The following PDE10A variants were observed in gnomAD, a reference collection of about 807,000 sequenced individuals.
PDE10A encodes the protein phosphodiesterase 10A.
Under a neutral mutation model 97.7 loss-of-function variants are expected in PDE10A, and 39 were observed. The ratio of observed to expected loss-of-function variants is 0.40; its 90% CI spans 0.31 to 0.52. The LOEUF (loss-of-function observed/expected upper bound fraction) is 0.52. Ranked by LOEUF, PDE10A falls within the 20% of genes least tolerant of loss-of-function variation. PDE10A has a pLI of 0.56. For missense variants in PDE10A, 731 were observed against 1,047.8 expected (o/e 0.70, Z 4.17); for synonymous variants, 371 against 376.8 (o/e 0.98, Z 0.18).
intron 1 of PDE10A, among the ~76,000 whole-genome samples, chr6:165,956,834 G>T (rs1784147871): frequency 6.6e-6 from 1 of 152,186 alleles, no homozygotes; most frequent in African/African-American, 2.4e-5. Context: ...TTAAGACCTG[G>T]CCATAGGCAA....
chr6:165,472,354 T>C (rs1161818876), intron 3 of PDE10A, among the ~76,000 whole-genome samples: 1 of 152,116 alleles, frequency 6.6e-6, no homozygotes, highest in Non-Finnish European at 1.5e-5. Flanking sequence ...CTAATGCCTA[T>C]ATTTTCTTTT....
At chr6:165,875,860 A>T (rs1781332340) in intron 1 of PDE10A, among the ~76,000 whole-genome samples, 1 of 151,024 alleles carries the variant, frequency 6.6e-6, no homozygotes, top group South Asian at 2.1e-4. Flanking sequence ...TTGACTTTGG[A>T]GAAATTAATT....
At chr6:165,680,394 A>T (rs1790942656) in intron 1 of PDE10A, among the ~76,000 whole-genome samples, 1 of 152,244 alleles carries the variant, frequency 6.6e-6, no homozygotes. Context: ...CCATTCTGCC[A>T]GAAGGCAAAC....
At position 165,830,835 on chromosome 6, in the gene PDE10A, G is replaced by A. The variant is rs1779890044; in HGVS notation, c.-615+156694C>T. Reference sequence around the variant, plus strand: ...CTTTCAGAGTCAAACTGATGTGAATGGATAATTCCAACGAAATCCAAAAGC... The same window carrying A: ...CTTTCAGAGTCAAACTGATGTGAATAGATAATTCCAACGAAATCCAAAAGC... On this transcript the variant is annotated intron_variant, in intron 1 of 19. Coordinates refer to the PDE10A transcript ENST00000366882. Among the ~76,000 whole-genome samples, 5 of 152,238 alleles carry A rather than the reference G, an allele frequency of 3.3e-5. No individual in the cohort carries two copies. In the South Asian group the frequency reaches 1.0e-3, roughly 32 times the overall value.
intron 1 of PDE10A, among the ~76,000 whole-genome samples, chr6:165,886,046 T>C (rs993567131): frequency 2.6e-5 from 4 of 152,224 alleles, no homozygotes; most frequent in Admixed American, 2.0e-4. Flanking sequence ...ACTGTAAACA[T>C]ACATAAAATT....
intron 1 of PDE10A, among the ~76,000 whole-genome samples, chr6:165,935,327 TAATC>T (rs1178087737): frequency 6.6e-6 from 1 of 152,180 alleles, no homozygotes; most frequent in Admixed American, 6.5e-5. Context: ...GGCACAGAGA[TAATC>T]AAAGAACTGG....
intron 1 of PDE10A, among the ~76,000 whole-genome samples, chr6:165,601,418 T>A (rs1035381115): frequency 6.6e-6 from 1 of 152,224 alleles, no homozygotes; most frequent in Non-Finnish European, 1.5e-5. Flanking sequence ...TTGCTAACAT[T>A]TATTCAGTGC....
At chr6:165,612,117 A>G (rs1460092665) in intron 1 of PDE10A, among the ~76,000 whole-genome samples, 1 of 152,244 alleles carries the variant, frequency 6.6e-6, no homozygotes, top group African/African-American at 2.4e-5. Context: ...CATCCATGCT[A>G]AATTGACTTT....
At chr6:165,952,858 G>A (rs1342154710) in intron 1 of PDE10A, among the ~76,000 whole-genome samples, 10 of 148,652 alleles carry the variant, frequency 6.7e-5, no homozygotes, top group Non-Finnish European at 6.0e-5. Flanking sequence ...TTTTATAAGA[G>A]AAAAAAAAAA....
chr6:165,383,090 GTT>G (rs1785038098), intron 17 of PDE10A, among the ~76,000 whole-genome samples: 1 of 152,130 alleles, frequency 6.6e-6, no homozygotes. Context: ...ATCCCAAAAT[GTT>G]GGTATAAATA....
intron 1 of PDE10A, among the ~76,000 whole-genome samples, chr6:165,758,539 GGAAGAGGAAGAA>G (rs1336997906): frequency 1.8e-4 from 26 of 142,582 alleles, no homozygotes; most frequent in African/African-American, 5.5e-4. Flanking sequence ...AAGAGGAAGA[GGAAGAGGAAGAA>G]GAAGAGGAAG....
intron 1 of PDE10A, among the ~76,000 whole-genome samples, chr6:165,879,016 G>A (rs1262127027): frequency 3.3e-5 from 5 of 152,202 alleles, no homozygotes; most frequent in Non-Finnish European, 5.9e-5. Flanking sequence ...ACTGTTTGAA[G>A]TGACTAAGTT....
At chr6:165,726,373 A>G (rs1007424023) in intron 1 of PDE10A, among the ~76,000 whole-genome samples, 1 of 152,248 alleles carries the variant, frequency 6.6e-6, no homozygotes, top group Non-Finnish European at 1.5e-5. Context: ...TTCCTGAGGA[A>G]AAGAATTATC....
chr6:165,826,135 G>A (rs560623182), intron 1 of PDE10A, among the ~76,000 whole-genome samples: 2 of 152,256 alleles, frequency 1.3e-5, no homozygotes, highest in South Asian at 4.1e-4. Flanking sequence ...CCTTGTCTGT[G>A]GGATTGTATT....
chr6:165,760,437 T>C (rs947762115), intron 1 of PDE10A, among the ~76,000 whole-genome samples: 2 of 152,202 alleles, frequency 1.3e-5, no homozygotes, highest in African/African-American at 2.4e-5. Context: ...AAAATCAAGG[T>C]CTGACCAAGC....
chr6:165,482,437 G>T (rs1048118948), intron 2 of PDE10A, 94 bp from the exon 3 acceptor site: 1 of 966,350 alleles, frequency 1.0e-6, no homozygotes, highest in Non-Finnish European at 1.7e-6. Context: ...AAACTTGAAG[G>T]GTTTTTTTGC....
chr6:165,400,677 TC>T (rs1257267643), intron 13 of PDE10A, among the ~76,000 whole-genome samples: 1 of 152,082 alleles, frequency 6.6e-6, no homozygotes, highest in Non-Finnish European at 1.5e-5. Context: ...TACAGACCCC[TC>T]CCATGTTACC....
At chr6:165,612,463 G>A (rs1259557422) in intron 1 of PDE10A, among the ~76,000 whole-genome samples, 6 of 151,870 alleles carry the variant, frequency 4.0e-5, no homozygotes, top group Non-Finnish European at 7.4e-5. Context: ...CACAACCTCA[G>A]GTTCAAGCGA....
At chr6:165,566,906 G>A (rs377404674) in intron 1 of PDE10A, among the ~76,000 whole-genome samples, 7 of 152,226 alleles carry the variant, frequency 4.6e-5, no homozygotes, top group East Asian at 3.9e-4. Context: ...GGAATCTACC[G>A]AAAAATCTGA....
Sources: gnomAD v4.1 joint callset for allele counts (sites outside exome capture counted in the v4.1 genomes callset) on GRCh38, gnomAD v4.1.1 for gene constraint, MANE v1.5 for transcripts, NCBI Gene and HGNC (gene_info 2026-07-23, HGNC 2026-07-21) for gene names.